Variants in NDE1 observed in about 807,000 individuals in gnomAD.
NDE1 encodes nuclear distribution protein nudE homolog 1.
NDE1 carries 28 observed loss-of-function variants against 43.4 expected under a neutral mutation model. The observed-to-expected ratio is 0.65, with a 90% CI of 0.48 to 0.89. NDE1 has a LOEUF of 0.89. NDE1 is among the 40% of genes least tolerant of loss of function. The probability of loss-of-function intolerance (pLI) is 0.00; values close to 1 mark genes in which losing one functional copy is unlikely to be tolerated. For missense variants in NDE1, 441 were observed against 434.1 expected (o/e 1.02, Z -0.14); for synonymous variants, 184 against 172.0 (o/e 1.07, Z -0.55).
chr16:15,662,230 T>A (rs1161620988), intron 1 of NDE1, among the ~76,000 whole-genome samples: 11 of 151,860 alleles, frequency 7.2e-5, no homozygotes, highest in Non-Finnish European at 1.2e-4. Context: ...TGAGCCACTG[T>A]ACCTGGCCTA....
chr16:15,707,682 C>T (rs934126082), intron 8 of NDE1, among the ~76,000 whole-genome samples: 1 of 152,196 alleles, frequency 6.6e-6, no homozygotes, highest in African/African-American at 2.4e-5. Context: ...TCCACATGGC[C>T]TAACTTCACC....
intron 1 of NDE1, among the ~76,000 whole-genome samples, chr16:15,656,135 TAAAG>T (rs1388135098): frequency 3.3e-5 from 5 of 151,864 alleles, no homozygotes; most frequent in Non-Finnish European, 5.9e-5. Context: ...ATAATAATAA[TAAAG>T]AAAAAGAAAA....
At chr16:15,691,473 C>A in intron 6 of NDE1, 150 bp downstream of exon 6, 1 of 919,684 alleles carries the variant, frequency 1.1e-6, no homozygotes, top group Non-Finnish European at 1.7e-6. Flanking sequence ...CTGGGATGTT[C>A]TTGGGGATGG....
At chr16:15,655,011 T>G (rs2036690796) in intron 1 of NDE1, among the ~76,000 whole-genome samples, 1 of 151,938 alleles carries the variant, frequency 6.6e-6, no homozygotes, top group Non-Finnish European at 1.5e-5. Context: ...TCTGACGTTT[T>G]CATGTTGTTT....
intron 8 of NDE1, chr16:15,718,696 T>C: frequency 5.3e-6 from 3 of 567,470 alleles, no homozygotes; most frequent in Non-Finnish European, 3.1e-6. Context: ...GGCCTCCCCT[T>C]CTCCCCACAC....
At chr16:15,651,157 T>C (rs2036482202) in intron 1 of NDE1, among the ~76,000 whole-genome samples, 1 of 152,202 alleles carries the variant, frequency 6.6e-6, no homozygotes, top group Non-Finnish European at 1.5e-5. Context: ...GGGCCTGAGC[T>C]TCCTTGATTG....
Position 15,724,978 on chromosome 16 carries a change from GCT to G in NDE1, c.*731_*732del. 6.2e-7 allele frequency: 1 copy of G among 1,613,862 alleles called. No individual in the cohort carries two copies. Among genetic ancestry groups the G allele is most frequent in the Non-Finnish European group, 8.5e-7 (1 of 1,179,970 alleles). On this transcript the variant is annotated 3_prime_UTR_variant, in exon 9 of 9. Coordinates refer to ENST00000396354, the MANE Select transcript of NDE1 (RefSeq NM_017668.3). Reference sequence around the variant, plus strand: ...CGGCCTCGTTAAGCATCCCTGTGACGCTCTCAACTTCATTCTAAGGGTGCCAA... The same window carrying G: ...CGGCCTCGTTAAGCATCCCTGTGACGCTCAACTTCATTCTAAGGGTGCCAA...
intron 7 of NDE1, chr16:15,695,726 T>G (rs2038979737): frequency 3.1e-5 from 31 of 984,770 alleles, no homozygotes; most frequent in Non-Finnish European, 3.7e-5. Context: ...GCAACTCATT[T>G]CTTTTGTTTT....
At chr16:15,673,546 G>A (rs1469724378) in intron 3 of NDE1, among the ~76,000 whole-genome samples, 11 of 149,116 alleles carry the variant, frequency 7.4e-5, no homozygotes, top group African/African-American at 2.3e-4. Flanking sequence ...CCAGGCTGGT[G>A]ATTTTTTTTT....
upstream of NDE1, among the ~76,000 whole-genome samples, chr16:15,648,793 A>G (rs2036384437): frequency 6.6e-6 from 1 of 151,452 alleles, no homozygotes; most frequent in Admixed American, 6.6e-5. Flanking sequence ...GGGCAACAAG[A>G]GGGAAACTCT....
At chr16:15,717,046 G>A (rs2040190411) in intron 8 of NDE1, 4 of 1,349,996 alleles carry the variant, frequency 3.0e-6, no homozygotes, top group Admixed American at 3.4e-5. Context: ...TTACAAGCCA[G>A]AACTGATGCT....
intron 6 of NDE1, 53 bp downstream of exon 6, chr16:15,691,376 T>G: frequency 6.3e-7 from 1 of 1,585,396 alleles, no homozygotes. Context: ...TGTTTCTGGG[T>G]AAGAATCTGG....
intron 1 of NDE1, among the ~76,000 whole-genome samples, chr16:15,654,346 T>C (rs961477394): frequency 1.3e-5 from 2 of 151,780 alleles, no homozygotes; most frequent in African/African-American, 4.8e-5. Flanking sequence ...ACACCTGTAA[T>C]CCCAGCACTT....
intron 8 of NDE1, chr16:15,718,161 G>A: frequency 8.4e-7 from 1 of 1,183,666 alleles, no homozygotes; most frequent in Non-Finnish European, 1.2e-6. Context: ...CTGGTGTAAG[G>A]GCCCTGGATC....
chr16:15,682,909 A>T (rs2038255769), intron 4 of NDE1, among the ~76,000 whole-genome samples: 1 of 152,070 alleles, frequency 6.6e-6, no homozygotes, highest in African/African-American at 2.4e-5. Context: ...TATTTTTAGT[A>T]GAAATGGGGT....
At position 15,692,032 on chromosome 16, in the gene NDE1, G is replaced by A. The variant is rs569286038; in HGVS notation, c.703+709G>A. On this transcript the variant is annotated intron_variant, in intron 6 of 8. Transcript: ENST00000396354. ...CTGTGGGTTTAGTAATACATCCACCGAGAGCTAGACTCAGCGTAACGTGTG... is the reference window on the plus strand; with the variant it reads ...CTGTGGGTTTAGTAATACATCCACCAAGAGCTAGACTCAGCGTAACGTGTG... Among the ~76,000 whole-genome samples the A allele has an allele frequency of 3.8e-3, 575 of 152,028 alleles. 1 individual carries two copies. The highest frequency in any genetic ancestry group is 7.9e-3 in the South Asian group (38 of 4,806).
At chr16:15,706,416 G>A (rs555961610) in intron 8 of NDE1, among the ~76,000 whole-genome samples, 1 of 149,680 alleles carries the variant, frequency 6.7e-6, no homozygotes, top group South Asian at 2.1e-4. Flanking sequence ...TTCAAACCCT[G>A]ATGGGTTGGC....
chr16:15,653,125 TAAAC>T (rs1330277521), intron 1 of NDE1, among the ~76,000 whole-genome samples: 3 of 152,060 alleles, frequency 2.0e-5, no homozygotes, highest in Non-Finnish European at 4.4e-5. Flanking sequence ...GAGAGGGAAA[TAAAC>T]AAAAATGGGC....
intron 7 of NDE1, 161 bp downstream of exon 7, chr16:15,694,417 C>T: frequency 6.7e-7 from 1 of 1,488,470 alleles, no homozygotes. Flanking sequence ...ATGATCACAA[C>T]TCACTGCAGC....
Sources: gnomAD v4.1 joint callset for allele counts (sites outside exome capture counted in the v4.1 genomes callset) on GRCh38, gnomAD v4.1.1 for gene constraint, MANE v1.5 for transcripts, NCBI Gene and HGNC (gene_info 2026-07-23, HGNC 2026-07-21) for gene names.